NTRK1: variants seen among roughly 807,000 people sequenced by gnomAD.
NTRK1 encodes neurotrophic receptor tyrosine kinase 1, also known as high affinity nerve growth factor receptor.
Under a neutral mutation model 86.8 loss-of-function variants are expected in NTRK1, and 62 were observed. That is an observed-to-expected ratio of 0.71 (90% CI 0.58 to 0.88). The LOEUF is 0.88. Among genes scored for constraint, NTRK1 ranks in the 40% least tolerant of loss-of-function variants. NTRK1 has a pLI of 0.00. For missense variants in NTRK1, 967 were observed against 1,078.4 expected (o/e 0.90, Z 1.45); for synonymous variants, 469 against 456.6 (o/e 1.03, Z -0.35).
chr1:156,840,940 T>A (rs1198205907), intron 1 of NTRK1: 4 of 1,614,032 alleles, frequency 2.5e-6, no homozygotes, highest in Non-Finnish European at 3.4e-6. Context: ...AGGCTCTGCA[T>A]CGGTGGTAGG....
upstream of NTRK1, chr1:156,858,535 A>G (rs1489630914): frequency 1.8e-5 from 29 of 1,612,176 alleles, no homozygotes; most frequent in Non-Finnish European, 2.5e-5. Flanking sequence ...CTGGGGACTC[A>G]CCCTCTACTG....
At chr1:156,860,734 G>A, upstream of NTRK1, 1 of 1,046,624 alleles carries the variant, frequency 9.6e-7, no homozygotes, top group South Asian at 2.4e-5. Flanking sequence ...ACAGGGGAGG[G>A]GGCAGAGGGG....
chr1:156,865,937 A>G (rs1336581785), intron 3 of NTRK1, among the ~76,000 whole-genome samples: 4 of 152,264 alleles, frequency 2.6e-5, no homozygotes, highest in East Asian at 1.9e-4. Flanking sequence ...CCGGGGCTTC[A>G]GTTAAAAACG....
chr1:156,869,134 C>T (rs1220440477), intron 6 of NTRK1, among the ~76,000 whole-genome samples: 2 of 151,110 alleles, frequency 1.3e-5, no homozygotes, highest in Non-Finnish European at 2.9e-5. Context: ...TGCAGTGGCG[C>T]GATCTTGACT....
intron 2 of NTRK1, chr1:156,844,572 A>G (rs781351564): frequency 6.2e-7 from 1 of 1,613,924 alleles, no homozygotes; most frequent in Admixed American, 1.7e-5. Flanking sequence ...GGCCAGGTGG[A>G]CTCCCCCAAA....
chr1:156,852,241 G>C, intron 2 of NTRK1: 1 of 1,519,524 alleles, frequency 6.6e-7, no homozygotes. Flanking sequence ...CTCAGTCCTG[G>C]CTGTCCTTCC....
intron 1 of NTRK1, chr1:156,840,819 G>A (rs1459611436): frequency 1.5e-6 from 2 of 1,375,760 alleles, no homozygotes; most frequent in East Asian, 2.4e-5. Flanking sequence ...AGCCACAGAG[G>A]TCGGGTCCCT....
In NTRK1 at chr1:156,864,433, G is replaced by T; in HGVS notation, c.287+5G>T. 1 of 1,613,144 alleles carries T rather than the reference G, an allele frequency of 6.2e-7. No individual in the cohort carries two copies. The highest frequency in any genetic ancestry group is 8.5e-7 in the Non-Finnish European group (1 of 1,179,312). ...CCTGGGGGAGCTGAGAAACCTGTGA[G>T]GGAAACGGGGACTGTGGGTGTGGAG... On this transcript the variant is annotated splice_donor_5th_base_variant and intron_variant, in intron 2 of 16. Coordinates refer to ENST00000524377, the MANE Select transcript of NTRK1 (RefSeq NM_002529.4).
At chr1:156,817,613 G>A (rs1243788461) in intron 1 of NTRK1, among the ~76,000 whole-genome samples, 1 of 150,060 alleles carries the variant, frequency 6.7e-6, no homozygotes, top group Non-Finnish European at 1.5e-5. Flanking sequence ...ACTATCAGCA[G>A]TTGTCATTAA....
At position 156,861,171 on chromosome 1, in the gene NTRK1, G is replaced by T. The variant is rs761432717; in HGVS notation, c.212+25G>T. 1.1e-5 allele frequency: 17 copies of T among 1,539,662 alleles called. No homozygotes were observed. In the South Asian group the frequency reaches 1.9e-4, roughly 17 times the overall value. On this transcript the variant is annotated intron_variant, in intron 1 of 16. Transcript: ENST00000524377. ...TGTGAGTGTCCGGCGGGCGGTGGGG[G>T]GGCGCGGGGACAGGCAGGCATTGCA...
chr1:156,833,187 C>T (rs543158570), intron 1 of NTRK1, among the ~76,000 whole-genome samples: 1 of 152,366 alleles, frequency 6.6e-6, no homozygotes, highest in Admixed American at 6.5e-5. Flanking sequence ...AGTTATTTGA[C>T]TTCTGTAAGG....
chr1:156,842,239 C>T, intron 2 of NTRK1: 1 of 1,613,996 alleles, frequency 6.2e-7, no homozygotes, highest in Non-Finnish European at 8.5e-7. Context: ...GGATCATTTC[C>T]CCCAATGCTG....
At chr1:156,817,800 G>A (rs1038592975) in intron 1 of NTRK1, among the ~76,000 whole-genome samples, 6 of 151,968 alleles carry the variant, frequency 3.9e-5, no homozygotes, top group African/African-American at 1.5e-4. Context: ...GTACCACCAT[G>A]CCTGGCTAAT....
chr1:156,851,969 G>A (rs1223587838), intron 2 of NTRK1: 10 of 1,608,912 alleles, frequency 6.2e-6, no homozygotes, highest in African/African-American at 1.3e-5. Flanking sequence ...GGCACGGCCG[G>A]GCACAGAGTG....
At chr1:156,816,684 A>G (rs754078455) in intron 1 of NTRK1, 15 of 1,601,790 alleles carry the variant, frequency 9.4e-6, no homozygotes, top group African/African-American at 2.7e-5. Context: ...CCTTGGGGAC[A>G]TATCTGGGCC....
intron 3 of NTRK1, among the ~76,000 whole-genome samples, chr1:156,866,323 G>A (rs1655925716): frequency 6.6e-6 from 1 of 152,252 alleles, no homozygotes; most frequent in Non-Finnish European, 1.5e-5. Flanking sequence ...GCCTGGAGCC[G>A]GGCCCCTGCT....
At chr1:156,857,496 T>C (rs556988729), upstream of NTRK1, among the ~76,000 whole-genome samples, 17 of 152,234 alleles carry the variant, frequency 1.1e-4, no homozygotes, top group Admixed American at 8.5e-4. Context: ...CCTGAGCAAA[T>C]ACTAGCCCCT....
intron 1 of NTRK1, among the ~76,000 whole-genome samples, chr1:156,836,518 G>A (rs1427473787): frequency 6.6e-6 from 1 of 152,160 alleles, no homozygotes; most frequent in African/African-American, 2.4e-5. Context: ...AGAGAGGCAA[G>A]AAGGAATGCC....
In NTRK1 at chr1:156,881,499, C is replaced by T. The variant is rs1009726086; in HGVS notation, c.2248C>T (p.Arg750Cys). 1.3e-5 allele frequency: 20 copies of T among 1,591,440 alleles called. No homozygotes were observed. The highest frequency in any genetic ancestry group is 3.5e-5 in the Admixed American group (2 of 56,790). Residue 750 changes from arginine to cysteine, a missense_variant, in exon 17 of 17, where the codon CGT becomes TGT. This residue lies in a region of NTRK1 where 637 missense variants were observed against 776.5 expected (regional missense o/e 0.82). Coordinates refer to ENST00000524377, the MANE Select transcript of NTRK1 (RefSeq NM_002529.4). ...GCAGGGACGTGAGTTGGAGCGGCCA[C>T]GTGCCTGCCCACCAGAGGTCTACGC... ...ITQGRELERP[R>C]ACPPEVYAIM...
Sources: allele counts gnomAD v4.1 joint callset (sites outside exome capture counted in the v4.1 genomes callset), GRCh38; gene constraint gnomAD v4.1.1; regional missense constraint gnomAD v4.1.1; transcripts MANE v1.5; gene names NCBI Gene and HGNC (gene_info 2026-07-23, HGNC 2026-07-21).